The following LRP1B variants were observed in gnomAD, a reference collection of about 807,000 sequenced individuals.
LRP1B encodes LDL receptor related protein 1B.
LRP1B carries 217 observed loss-of-function variants against 556.6 expected under a neutral mutation model. That is an observed-to-expected ratio of 0.39 (90% CI 0.35 to 0.44). The LOEUF (loss-of-function observed/expected upper bound fraction) is 0.44. Ranked by LOEUF, LRP1B falls within the 20% of genes least tolerant of loss-of-function variation. The probability of loss-of-function intolerance (pLI) is 1.00; values close to 1 mark genes in which losing one functional copy is unlikely to be tolerated. For synonymous variants in LRP1B, 2,047 were observed against 1,865.8 expected, an observed-to-expected ratio of 1.10 and a Z score of -2.50; for missense variants, 5,053 against 5,620.8, an observed-to-expected ratio of 0.90 and a Z score of 3.23.
intron 2 of LRP1B, among the ~76,000 whole-genome samples, chr2:141,594,600 G>T (rs1687453403): frequency 6.6e-6 from 1 of 152,028 alleles, no homozygotes. Flanking sequence ...CCAATTTAAA[G>T]AATGCAAATA....
intron 35 of LRP1B, among the ~76,000 whole-genome samples, chr2:140,738,278 G>A (rs1348893372): frequency 6.6e-6 from 1 of 152,062 alleles, no homozygotes; most frequent in African/African-American, 2.4e-5. Context: ...ACATTTGTAG[G>A]TAGTTTCATT....
intron 7 of LRP1B, among the ~76,000 whole-genome samples, chr2:141,185,682 A>C (rs1381482062): frequency 7.7e-5 from 3 of 39,038 alleles, no homozygotes; most frequent in African/African-American, 2.1e-4. Context: ...TGAAAAACAA[A>C]CAAACAAAAA....
intron 79 of LRP1B, among the ~76,000 whole-genome samples, chr2:140,328,644 C>T (rs988175689): frequency 2.6e-5 from 4 of 151,892 alleles, no homozygotes; most frequent in African/African-American, 9.7e-5. Flanking sequence ...ATAGTAATAA[C>T]CACCAAGTGT....
chr2:141,746,611 T>C (rs554090123), intron 2 of LRP1B, among the ~76,000 whole-genome samples: 2 of 152,166 alleles, frequency 1.3e-5, no homozygotes, highest in African/African-American at 4.8e-5. Context: ...AACCAGGTAC[T>C]GTGAGTGCAC....
At chr2:141,087,506 A>G (rs1295684649) in intron 7 of LRP1B, among the ~76,000 whole-genome samples, 1 of 152,230 alleles carries the variant, frequency 6.6e-6, no homozygotes. Context: ...CCAACCTCCA[A>G]ATATTCACAC....
At chr2:141,122,313 C>A (rs1244894206) in intron 7 of LRP1B, among the ~76,000 whole-genome samples, 1 of 151,512 alleles carries the variant, frequency 6.6e-6, no homozygotes, top group East Asian at 1.9e-4. Flanking sequence ...AGTGAACAGG[C>A]AACCTACAGA....
At chr2:141,620,672 G>A (rs556344765) in intron 2 of LRP1B, among the ~76,000 whole-genome samples, 2 of 152,124 alleles carry the variant, frequency 1.3e-5, no homozygotes, top group African/African-American at 2.4e-5. Flanking sequence ...CACTCATGGT[G>A]GAATAACAAA....
At chr2:140,923,684 T>C (rs1694807652) in intron 20 of LRP1B, among the ~76,000 whole-genome samples, 1 of 151,984 alleles carries the variant, frequency 6.6e-6, no homozygotes, top group African/African-American at 2.4e-5. Context: ...AAAAAACAGG[T>C]AATAAATGTA....
At chr2:140,854,706 C>A (rs1418285331) in intron 27 of LRP1B, among the ~76,000 whole-genome samples, 1 of 152,144 alleles carries the variant, frequency 6.6e-6, no homozygotes, top group Non-Finnish European at 1.5e-5. Context: ...CATTGGTTTA[C>A]ATATTAGCCA....
chr2:141,673,666 G>T (rs1690764278), intron 2 of LRP1B, among the ~76,000 whole-genome samples: 1 of 152,032 alleles, frequency 6.6e-6, no homozygotes, highest in Non-Finnish European at 1.5e-5. Flanking sequence ...TATAATAATA[G>T]TTTTTTAGAT....
chr2:142,081,328 T>A (rs1705707628), intron 1 of LRP1B, among the ~76,000 whole-genome samples: 1 of 152,132 alleles, frequency 6.6e-6, no homozygotes, highest in Non-Finnish European at 1.5e-5. Context: ...GAGGGAGTTT[T>A]TTTTTCTAAT....
intron 1 of LRP1B, among the ~76,000 whole-genome samples, chr2:142,071,631 A>T (rs1401555511): frequency 6.6e-6 from 1 of 152,016 alleles, no homozygotes; most frequent in Non-Finnish European, 1.5e-5. Flanking sequence ...TAGTGTCCCA[A>T]CAGAGGCAAA....
At chr2:140,831,691 G>T (rs555361025) in intron 31 of LRP1B, among the ~76,000 whole-genome samples, 16 of 151,986 alleles carry the variant, frequency 1.1e-4, no homozygotes, top group Admixed American at 5.9e-4. Context: ...GAAACAAAAA[G>T]GTTTCTGCAC....
At chr2:141,097,090 A>T (rs1410205393) in intron 7 of LRP1B, among the ~76,000 whole-genome samples, 1 of 152,200 alleles carries the variant, frequency 6.6e-6, no homozygotes, top group African/African-American at 2.4e-5. Context: ...GGCTCTTAAT[A>T]AATGTCTGTA....
chr2:141,016,047 T>C, intron 12 of LRP1B, 132 bp from the exon 13 acceptor site: 2 of 688,932 alleles, frequency 2.9e-6, no homozygotes, highest in East Asian at 5.3e-5. Context: ...TAAGTGCTTA[T>C]CTGTCAAAGA....
chr2:141,167,791 T>C (rs1444693642), intron 7 of LRP1B, among the ~76,000 whole-genome samples: 1 of 152,004 alleles, frequency 6.6e-6, no homozygotes, highest in Non-Finnish European at 1.5e-5. Flanking sequence ...AAGCTTTAAT[T>C]CATTTGACTT....
chr2:140,968,166 T>G (rs1416371906), intron 18 of LRP1B, among the ~76,000 whole-genome samples: 1 of 151,714 alleles, frequency 6.6e-6, no homozygotes, highest in African/African-American at 2.4e-5. Context: ...GTCCTGGACT[T>G]TTTTTGGTTG....
intron 7 of LRP1B, among the ~76,000 whole-genome samples, chr2:141,155,438 G>T (rs1241986699): frequency 6.6e-6 from 1 of 150,984 alleles, no homozygotes; most frequent in African/African-American, 2.4e-5. Context: ...GAACAAGGGG[G>T]TACACTTCTA....
chr2:140,509,067 CACACACACACACACAA>C lies in LRP1B; in HGVS notation c.8398+845_8398+860del, dbSNP rs1294440776. Among the ~76,000 whole-genome samples, 3 of 89,118 alleles carry C rather than the reference CACACACACACACACAA, an allele frequency of 3.4e-5. No individual in the cohort carries two copies. In the South Asian group the frequency reaches 1.5e-3, roughly 44 times the overall value. 58.5% of individuals were successfully genotyped at this position (89,118 alleles called of 152,430 possible). A position where few individuals can be genotyped will look rare whatever the true frequency, so the allele number is the denominator to read the frequency against. On this transcript the variant is annotated intron_variant, in intron 52 of 90. Coordinates refer to ENST00000389484, the MANE Select transcript of LRP1B (RefSeq NM_018557.3). ...TTCCTCACGTACATACCCCTGCACA[CACACACACACACACAA>C]ACACACACACACACACACACACACA...
Sources: gnomAD v4.1 joint callset for allele counts (sites outside exome capture counted in the v4.1 genomes callset) on GRCh38, gnomAD v4.1.1 for gene constraint, MANE v1.5 for transcripts, NCBI Gene and HGNC (gene_info 2026-07-23, HGNC 2026-07-21) for gene names.